The following LRRTM4 variants were observed in gnomAD, a reference collection of about 807,000 sequenced individuals.
LRRTM4 encodes leucine-rich repeat transmembrane neuronal protein 4.
Under a neutral mutation model 47.6 loss-of-function variants are expected in LRRTM4, and 25 were observed. The observed-to-expected ratio is 0.53, with a 90% CI of 0.38 to 0.73. The LOEUF (loss-of-function observed/expected upper bound fraction) is 0.73. Ranked by LOEUF, LRRTM4 falls within the 30% of genes least tolerant of loss-of-function variation. The probability of loss-of-function intolerance (pLI) is 0.00; values close to 1 mark genes in which losing one functional copy is unlikely to be tolerated. For missense variants in LRRTM4, 638 were observed against 713.4 expected, an observed-to-expected ratio of 0.89 and a Z score of 1.20; for synonymous variants, 311 against 269.5, an observed-to-expected ratio of 1.15 and a Z score of -1.51.
At chr2:76,782,158 A>G (rs1674431251) in intron 3 of LRRTM4, among the ~76,000 whole-genome samples, 1 of 152,218 alleles carries the variant, frequency 6.6e-6, no homozygotes, top group African/African-American at 2.4e-5. Flanking sequence ...TTTAAATAAA[A>G]GATAAAATGG....
At chr2:77,336,814 G>T (rs937329155) in intron 3 of LRRTM4, among the ~76,000 whole-genome samples, 1 of 152,058 alleles carries the variant, frequency 6.6e-6, no homozygotes. Flanking sequence ...AACAAGAGAA[G>T]GTTGTTCATT....
At chr2:77,064,540 C>T (rs1573519897) in intron 3 of LRRTM4, among the ~76,000 whole-genome samples, 2 of 152,256 alleles carry the variant, frequency 1.3e-5, no homozygotes, top group East Asian at 3.9e-4. Flanking sequence ...AAAATAATTT[C>T]ACATCACAGT....
At chr2:76,890,021 A>G (rs1320403357) in intron 3 of LRRTM4, among the ~76,000 whole-genome samples, 1 of 151,938 alleles carries the variant, frequency 6.6e-6, no homozygotes, top group African/African-American at 2.4e-5. Context: ...CTATAACTAG[A>G]AAAAAAGATT....
intron 3 of LRRTM4, among the ~76,000 whole-genome samples, chr2:76,835,453 G>A (rs1283710122): frequency 6.6e-6 from 1 of 152,082 alleles, no homozygotes; most frequent in African/African-American, 2.4e-5. Context: ...TATTTGTGAA[G>A]ATTTCTGATT....
At chr2:77,057,378 T>C (rs1213805278) in intron 3 of LRRTM4, among the ~76,000 whole-genome samples, 1 of 152,196 alleles carries the variant, frequency 6.6e-6, no homozygotes, top group African/African-American at 2.4e-5. Context: ...GTGATATGTG[T>C]GCGAAAATGC....
chr2:77,114,618 A>T (rs1671337792), intron 3 of LRRTM4, among the ~76,000 whole-genome samples: 1 of 152,132 alleles, frequency 6.6e-6, no homozygotes, highest in Non-Finnish European at 1.5e-5. Context: ...CCAATATTTC[A>T]ACGTAGGTTC....
intron 3 of LRRTM4, among the ~76,000 whole-genome samples, chr2:77,158,483 G>GT (rs1330280894): frequency 1.3e-5 from 2 of 152,222 alleles, no homozygotes; most frequent in African/African-American, 4.8e-5. Flanking sequence ...GTATCAAACA[G>GT]TGACAGCACT....
intron 3 of LRRTM4, among the ~76,000 whole-genome samples, chr2:77,185,948 T>G (rs1673493565): frequency 6.6e-6 from 1 of 152,170 alleles, no homozygotes; most frequent in Admixed American, 6.6e-5. Context: ...GAGATTATGT[T>G]TGTGAACCCT....
At chr2:76,781,887 G>GTATC (rs1674415315) in intron 3 of LRRTM4, among the ~76,000 whole-genome samples, 1 of 152,042 alleles carries the variant, frequency 6.6e-6, no homozygotes, top group Middle Eastern at 3.4e-3. Context: ...TTCACAAATT[G>GTATC]TATCTGAAAA....
chr2:77,417,164 A>C (rs902187385), intron 3 of LRRTM4, among the ~76,000 whole-genome samples: 1 of 152,128 alleles, frequency 6.6e-6, no homozygotes, highest in Non-Finnish European at 1.5e-5. Flanking sequence ...CTGGCCATCA[A>C]ACAAATGCAA....
At chr2:76,759,752 C>T (rs1673184533) in intron 3 of LRRTM4, among the ~76,000 whole-genome samples, 1 of 152,084 alleles carries the variant, frequency 6.6e-6, no homozygotes. Context: ...CTGGGATCTC[C>T]TTCCCCTCCA....
chr2:76,884,378 G>A (rs1220863811), intron 3 of LRRTM4, among the ~76,000 whole-genome samples: 1 of 152,092 alleles, frequency 6.6e-6, no homozygotes, highest in African/African-American at 2.4e-5. Flanking sequence ...TATACAGTCT[G>A]TTTTCACACA....
intron 3 of LRRTM4, among the ~76,000 whole-genome samples, chr2:77,191,824 A>T (rs1673676438): frequency 6.6e-6 from 1 of 152,084 alleles, no homozygotes; most frequent in Admixed American, 6.6e-5. Flanking sequence ...TGTTACATAG[A>T]TAAACCTAAC....
rs754661109 is a variant in LRRTM4, at chr2:77,518,973, G to A, written c.896C>T (p.Ala299Val). The stretch of plus-strand genomic sequence containing the variant: ...TGTGATGGATATTAATGATATCCAC[G>A]CATTGACAGTTTCCTGTGAGATATT... ...LTNISQETVNAWISLISITLS... is the reference protein window; with the variant it reads ...LTNISQETVNVWISLISITLS... Residue 299 changes from alanine to valine, a missense_variant, in exon 3 of 4, where the codon GCG becomes GTG. Ala to Val is a moderately conservative substitution (Grantham distance 64). Transcript: ENST00000409884. The A allele has an allele frequency of 6.2e-7, 1 of 1,611,608 alleles. No individual in the cohort carries two copies. The highest frequency in any genetic ancestry group is 2.2e-5 in the East Asian group (1 of 44,766).
At chr2:77,235,959 C>A (rs1408670135) in intron 3 of LRRTM4, among the ~76,000 whole-genome samples, 1 of 152,044 alleles carries the variant, frequency 6.6e-6, no homozygotes, top group African/African-American at 2.4e-5. Context: ...TAATGTGATG[C>A]CTCTACTTTT....
intron 3 of LRRTM4, among the ~76,000 whole-genome samples, chr2:77,492,506 G>A (rs183109928): frequency 5.4e-3 from 827 of 152,198 alleles, no homozygotes; most frequent in Non-Finnish European, 8.0e-3. Flanking sequence ...AGAAGCTCCT[G>A]TCTTAGCCTC....
At chr2:76,838,833 A>G (rs1438703947) in intron 3 of LRRTM4, among the ~76,000 whole-genome samples, 1 of 152,130 alleles carries the variant, frequency 6.6e-6, no homozygotes, top group Non-Finnish European at 1.5e-5. Flanking sequence ...CCTGAATTTC[A>G]TCTTCGAAAA....
At chr2:76,809,429 G>C (rs775098552) in intron 3 of LRRTM4, among the ~76,000 whole-genome samples, 4 of 152,050 alleles carry the variant, frequency 2.6e-5, no homozygotes, top group Non-Finnish European at 5.9e-5. Context: ...TAAAACCATG[G>C]ACTCTTCCAT....
At chr2:77,095,703 T>C (rs911113911) in intron 3 of LRRTM4, among the ~76,000 whole-genome samples, 1 of 151,854 alleles carries the variant, frequency 6.6e-6, no homozygotes, top group African/African-American at 2.4e-5. Context: ...AGAGACAGGG[T>C]TTTTCCATTT....
Sources: gnomAD v4.1 joint callset for allele counts (sites outside exome capture counted in the v4.1 genomes callset) on GRCh38, gnomAD v4.1.1 for gene constraint, MANE v1.5 for transcripts, NCBI Gene and HGNC (gene_info 2026-07-23, HGNC 2026-07-21) for gene names.